Variants in AMIGO3 observed in about 807,000 individuals in gnomAD.
AMIGO3 encodes the protein adhesion molecule with Ig like domain 3, also known as amphoterin-induced protein 3.
A neutral mutation model predicts 4.3 loss-of-function variants in AMIGO3; 6 were observed. That is an observed-to-expected ratio of 1.39 (90% CI 0.76 to 2.75). AMIGO3 has a LOEUF of 2.75. AMIGO3 is among the 30% of genes most tolerant of loss of function. AMIGO3 has a pLI of 0.00. For missense variants in AMIGO3, 771 were observed against 692.1 expected (o/e 1.11, Z -1.28); for synonymous variants, 315 against 320.0 (o/e 0.98, Z 0.17).
chr3:49,719,282 C>T lies in AMIGO3; in HGVS notation c.184G>A (p.Ala62Thr), dbSNP rs376622853. 1.2e-6 allele frequency: 2 copies of T among 1,613,162 alleles called. No homozygotes were observed. The highest frequency in any genetic ancestry group is 1.1e-5 in the South Asian group (1 of 91,068). ...TGGCTCAGGTCGAGGTCCGCAGTAG[C>T]GGCAGGTAACTCGGCTGGCACGTCC... ...LQDVPAELPA[A>T]TADLDLSHNA... The change falls in exon 1 of 1, where the codon GCT (alanine) becomes ACT (threonine). Residue 62 changes from alanine to threonine, a missense_variant. Transcript: ENST00000320431.
chr3:49,717,916 AGGGTGGGGGCCT>A lies in AMIGO3; in HGVS notation c.*23_*34del, dbSNP rs767268722. On this transcript the variant is annotated 3_prime_UTR_variant, in exon 1 of 1. Coordinates refer to ENST00000320431, the MANE Select transcript of AMIGO3 (RefSeq NM_198722.3). Reference sequence around the variant, plus strand: ...AGCAGGGAGCAGGGCGAGCAGCAAGAGGGTGGGGGCCTGGGTGGGGGAGCCCTGGGCAGTCTA... The same window carrying A: ...AGCAGGGAGCAGGGCGAGCAGCAAGAGGGTGGGGGAGCCCTGGGCAGTCTA... The A allele has an allele frequency of 4.5e-6, 7 of 1,548,726 alleles. No homozygotes were observed. The East Asian group carries it at 1.4e-4, about 32-fold the overall frequency.
Position 49,718,274 on chromosome 3 carries a change from C to G in AMIGO3, c.1192G>C (p.Val398Leu). 6.2e-7 allele frequency: 1 copy of G among 1,612,856 alleles called. No individual in the cohort carries two copies. Among genetic ancestry groups the G allele is most frequent in the South Asian group, 1.1e-5 (1 of 91,068 alleles). ...GGTGGGGCGAACAGGTAGAGCAGCA[C>G]GAGCACAAGGCCCACGGCACAGCCC... ...LLGCAVGLVL[V>L]LLYLFAPPCR... The change falls in exon 1 of 1, where the codon GTG becomes CTG. Residue 398 changes from valine (V) to leucine (L), a missense_variant. Coordinates refer to ENST00000320431, the MANE Select transcript of AMIGO3 (RefSeq NM_198722.3).
At position 49,718,398 on chromosome 3, in the gene AMIGO3, CCCAGTGG is replaced by C; in HGVS notation, c.1061_1067del (p.Ala354GlyfsTer14). On this transcript the variant is annotated frameshift_variant, in exon 1 of 1. Transcript: ENST00000320431. LOFTEE classifies it high-confidence loss of function. ...GCGTCTGGTTGTGGTGCAGGCGGGG[CCCAGTGG>C]CCAGGCACACGAAGAGTCCCGCATG... 1 of 1,613,170 alleles carries C rather than the reference CCCAGTGG, an allele frequency of 6.2e-7. No individual in the cohort carries two copies. Among genetic ancestry groups the C allele is most frequent in the Non-Finnish European group, 8.5e-7 (1 of 1,179,940 alleles).
Position 49,719,635 on chromosome 3 carries a change from G to T in AMIGO3, c.-170C>A. Reference sequence around the variant, plus strand: ...CTACTCTCCGGTTCCCAGGTTGTGAGGCGGTGCGGCACTCTTAGCCGCGCT... The same window carrying T: ...CTACTCTCCGGTTCCCAGGTTGTGATGCGGTGCGGCACTCTTAGCCGCGCT... On this transcript the variant is annotated 5_prime_UTR_variant, in exon 1 of 1. Coordinates refer to ENST00000320431, the MANE Select transcript of AMIGO3 (RefSeq NM_198722.3). 1 of 613,060 alleles carries T rather than the reference G, an allele frequency of 1.6e-6. No homozygotes were observed. 38.0% of individuals were successfully genotyped at this position (613,060 alleles called of 1,614,324 possible).
rs1353277525 is a variant in AMIGO3, at chr3:49,718,925, T to C, written c.541A>G (p.Ser181Gly). 4 of 1,613,542 alleles carry C rather than the reference T, an allele frequency of 2.5e-6. No homozygotes were observed. The change falls in exon 1 of 1, where the codon AGC becomes GGC. Residue 181 changes from serine to glycine, a missense_variant. By Grantham distance (56) the Ser-to-Gly change is moderately conservative. Transcript: ENST00000320431. Reference sequence around the variant, plus strand: ...TCCAGAGTAAGCAGGTGGGTGGCGCTCAGACCGTGCAGGTGGTCGAAGGAG... The same window carrying C: ...TCCAGAGTAAGCAGGTGGGTGGCGCCCAGACCGTGCAGGTGGTCGAAGGAG... ...SFSFDHLHGL[S>G]ATHLLTLDLS...
At position 49,718,802 on chromosome 3, in the gene AMIGO3, G is replaced by A. The variant is rs2080313472; in HGVS notation, c.664C>T (p.Pro222Ser). ...NGLYLHNNPL[P>S]CDCRLYHLLQ... is the part of the protein sequence containing the mutation. The stretch of plus-strand genomic sequence containing the variant: ...AGGTGGTAGAGGCGGCAGTCGCAAG[G>A]CAAAGGGTTGTTGTGCAAGTAGAGG... The change falls in exon 1 of 1, where the codon CCT becomes TCT. Residue 222 changes from proline to serine, a missense_variant. Pro to Ser is a moderately conservative substitution (Grantham distance 74). Transcript: ENST00000320431. 1 of 1,613,230 alleles carries A rather than the reference G, an allele frequency of 6.2e-7. No individual in the cohort carries two copies. Among genetic ancestry groups the A allele is most frequent in the Non-Finnish European group, 8.5e-7 (1 of 1,179,954 alleles).
At position 49,719,496 on chromosome 3, in the gene AMIGO3, G is replaced by C; in HGVS notation, c.-31C>G. The C allele has an allele frequency of 2.6e-6, 4 of 1,556,572 alleles. No individual in the cohort carries two copies. The highest frequency in any genetic ancestry group is 3.5e-6 in the Non-Finnish European group (4 of 1,143,638). ...CGACCACCAGGGACAGTACAGAGCA[G>C]CTCTGTGCAGGTTGCAGTTCCAGGA... On this transcript the variant is annotated 5_prime_UTR_variant, in exon 1 of 1. Coordinates refer to ENST00000320431, the MANE Select transcript of AMIGO3 (RefSeq NM_198722.3).
chr3:49,718,230 A>ACGGCGGCAG lies in AMIGO3; in HGVS notation c.1227_1235dup (p.Cys410_Arg412dup). 6.2e-7 allele frequency: 1 copy of ACGGCGGCAG among 1,610,766 alleles called. No individual in the cohort carries two copies. Among genetic ancestry groups the ACGGCGGCAG allele is most frequent in the Non-Finnish European group, 8.5e-7 (1 of 1,179,042 alleles). ...GGGGCCAGCGGCGGCAGCGGCAGGC[A>ACGGCGGCAG]CGGCGGCAGCAGCGGCAGGGTGGGG... On this transcript the variant is annotated inframe_insertion, in exon 1 of 1. Transcript: ENST00000320431.
Position 49,719,607 on chromosome 3 carries a change from C to G in AMIGO3, c.-142G>C. The G allele has an allele frequency of 1.5e-6, 1 of 688,670 alleles. No individual in the cohort carries two copies. Among genetic ancestry groups the G allele is most frequent in the Non-Finnish European group, 2.4e-6 (1 of 409,052 alleles). The allele number at this position is 688,670 out of a possible 1,614,324, so 42.7% of individuals were successfully genotyped here. On this transcript the variant is annotated 5_prime_UTR_variant, in exon 1 of 1. Coordinates refer to ENST00000320431, the MANE Select transcript of AMIGO3 (RefSeq NM_198722.3). The stretch of plus-strand genomic sequence containing the variant: ...ACGGCGGGTTCTTGCCAGCCGACGG[C>G]CCCTACTCTCCGGTTCCCAGGTTGT...
chr3:49,719,245 T>C lies in AMIGO3; in HGVS notation c.221A>G (p.Gln74Arg), dbSNP rs1157946127. ...CGCCAACCAGCCGGGGCGCAGGCGCTGGAGCGCGTTGTGGCTCAGGTCGAG... is the reference window on the plus strand; with the variant it reads ...CGCCAACCAGCCGGGGCGCAGGCGCCGGAGCGCGTTGTGGCTCAGGTCGAG... ...ADLDLSHNAL[Q>R]RLRPGWLAPL... is the part of the protein sequence containing the mutation. The change falls in exon 1 of 1, where the codon CAG becomes CGG. Residue 74 changes from glutamine to arginine, a missense_variant. Physicochemically the swap from Gln to Arg is conservative, Grantham distance 43. Transcript: ENST00000320431. 10 of 1,613,052 alleles carry C rather than the reference T, an allele frequency of 6.2e-6. No homozygotes were observed. The highest frequency in any genetic ancestry group is 1.7e-5 in the Admixed American group (1 of 59,986).
rs780762034 is a variant in AMIGO3 at position 49,718,371 on chromosome 3, G to C, written c.1095C>G (p.His365Gln). ...TGPRLHHNQT[H>Q]EYNVSVHFPR... is the part of the protein sequence containing the mutation. ...GAAAGTGCACGCTCACGTTGTACTC[G>C]TGCGTCTGGTTGTGGTGCAGGCGGG... is the stretch of plus-strand genomic sequence containing the variant. Residue 365 changes from histidine to glutamine, a missense_variant, in exon 1 of 1, where the codon CAC (histidine) becomes CAG (glutamine). Coordinates refer to ENST00000320431, the MANE Select transcript of AMIGO3 (RefSeq NM_198722.3). 3 of 1,613,240 alleles carry C rather than the reference G, an allele frequency of 1.9e-6. No individual in the cohort carries two copies. Among genetic ancestry groups the C allele is most frequent in the Non-Finnish European group, 2.5e-6 (3 of 1,179,956 alleles).
Position 49,716,989 on chromosome 3 carries a change from T to C in AMIGO3, c.*962A>G, listed in dbSNP as rs995047903. 2 of 156,352 alleles carry C rather than the reference T, an allele frequency of 1.3e-5. No individual in the cohort carries two copies. The highest frequency in any genetic ancestry group is 4.8e-5 in the African/African-American group (2 of 41,402). The allele number at this position is 156,352 out of a possible 1,614,324, so 9.7% of individuals were successfully genotyped here. ...CCTGCAGTGGGAGCAGTGAGATGCA[T>C]ATGAAGCCAGGGTACCGCCTCAGCC... is the stretch of plus-strand genomic sequence containing the variant. On this transcript the variant is annotated 3_prime_UTR_variant, in exon 1 of 1. Coordinates refer to ENST00000320431, the MANE Select transcript of AMIGO3 (RefSeq NM_198722.3).
At position 49,718,805 on chromosome 3, in the gene AMIGO3, A is replaced by G. The variant is rs2080313631; in HGVS notation, c.661T>C (p.Leu221=). 1 of 1,613,096 alleles carries G rather than the reference A, an allele frequency of 6.2e-7. No homozygotes were observed. Among genetic ancestry groups the G allele is most frequent in the Admixed American group, 1.7e-5 (1 of 60,006 alleles). The part of the protein sequence containing the change: ...KNGLYLHNNP[L]PCDCRLYHLL... ...TGGTAGAGGCGGCAGTCGCAAGGCA[A>G]AGGGTTGTTGTGCAAGTAGAGGCCG... is the stretch of plus-strand genomic sequence containing the variant. Residue 221 remains leucine (L), a synonymous_variant, in exon 1 of 1, where the codon TTG becomes CTG. Coordinates refer to ENST00000320431, the MANE Select transcript of AMIGO3 (RefSeq NM_198722.3).
In AMIGO3 at chr3:49,717,037, C is replaced by G. The variant is rs2080261099; in HGVS notation, c.*914G>C. 6.5e-6 allele frequency: 1 copy of G among 153,506 alleles called. No individual in the cohort carries two copies. Among genetic ancestry groups the G allele is most frequent in the African/African-American group, 2.4e-5 (1 of 41,416 alleles). 9.5% of individuals were successfully genotyped at this position (153,506 alleles called of 1,614,324 possible). A position where few individuals can be genotyped will look rare whatever the true frequency, so the allele number is the denominator to read the frequency against. On this transcript the variant is annotated 3_prime_UTR_variant, in exon 1 of 1. Coordinates refer to ENST00000320431, the MANE Select transcript of AMIGO3 (RefSeq NM_198722.3). ...GCCATTAGGCTGAGACCAGTGCCAG[C>G]CCTTAAGAGGCTCCTGCTCTCGAGG...
In AMIGO3 at chr3:49,718,118, C is replaced by T; in HGVS notation, c.1348G>A (p.Val450Ile). ...TCCAGAAAGACTACGTGCTTGTGGACGCTGGCCTTGCGGCTGGGTGCGTCT... is the reference window on the plus strand; with the variant it reads ...TCCAGAAAGACTACGTGCTTGTGGATGCTGGCCTTGCGGCTGGGTGCGTCT... The part of the protein sequence containing the change: ...PPDAPSRKAS[V>I]HKHVVFLEPG... Residue 450 changes from valine (V) to isoleucine (I), a missense_variant, in exon 1 of 1, where the codon GTC (valine) becomes ATC (isoleucine). Transcript: ENST00000320431. 6.2e-7 allele frequency: 1 copy of T among 1,613,540 alleles called. No individual in the cohort carries two copies. The highest frequency in any genetic ancestry group is 8.5e-7 in the Non-Finnish European group (1 of 1,180,052).
rs373220334 is a variant in AMIGO3, at chr3:49,719,081, G to C, written c.385C>G (p.Leu129Val). ...NTLRALGRHD[L>V]DGLGALEKLL... ...TTCTCCAGCGCCCCCAGCCCGTCGAGGTCGTGGCGGCCAAGCGCCCGCAAC... is the reference window on the plus strand; with the variant it reads ...TTCTCCAGCGCCCCCAGCCCGTCGACGTCGTGGCGGCCAAGCGCCCGCAAC... Residue 129 changes from leucine to valine, a missense_variant, in exon 1 of 1, where the codon CTC becomes GTC. Physicochemically the swap from Leu to Val is conservative, Grantham distance 32. Coordinates refer to ENST00000320431, the MANE Select transcript of AMIGO3 (RefSeq NM_198722.3). 1.9e-6 allele frequency: 3 copies of C among 1,613,622 alleles called. No homozygotes were observed. The African/African-American group carries it at 4.0e-5, about 22-fold the overall frequency.
Position 49,719,621 on chromosome 3 carries a change from T to G in AMIGO3, c.-156A>C. Reference sequence around the variant, plus strand: ...CCAGCCGACGGCCCCTACTCTCCGGTTCCCAGGTTGTGAGGCGGTGCGGCA... The same window carrying G: ...CCAGCCGACGGCCCCTACTCTCCGGGTCCCAGGTTGTGAGGCGGTGCGGCA... On this transcript the variant is annotated 5_prime_UTR_variant, in exon 1 of 1. Coordinates refer to ENST00000320431, the MANE Select transcript of AMIGO3 (RefSeq NM_198722.3). The G allele has an allele frequency of 1.5e-6, 1 of 646,790 alleles. No homozygotes were observed. The highest frequency in any genetic ancestry group is 2.7e-6 in the Non-Finnish European group (1 of 374,100). 40.1% of individuals were successfully genotyped at this position (646,790 alleles called of 1,614,324 possible). A position where few individuals can be genotyped will look rare whatever the true frequency, so the allele number is the denominator to read the frequency against.
rs2080340161 is a variant in AMIGO3 at position 49,719,516 on chromosome 3, C to G, written c.-51G>C. 10 of 1,436,816 alleles carry G rather than the reference C, an allele frequency of 7.0e-6. No individual in the cohort carries two copies. Among genetic ancestry groups the G allele is most frequent in the Non-Finnish European group, 9.6e-6 (10 of 1,046,620 alleles). 89.0% of individuals were successfully genotyped at this position (1,436,816 alleles called of 1,614,324 possible). A position where few individuals can be genotyped will look rare whatever the true frequency, so the allele number is the denominator to read the frequency against. On this transcript the variant is annotated 5_prime_UTR_variant, in exon 1 of 1. Coordinates refer to ENST00000320431, the MANE Select transcript of AMIGO3 (RefSeq NM_198722.3). ...GAGCAGCTCTGTGCAGGTTGCAGTT[C>G]CAGGACTCACCCTCTTCTGCTCTAG...
At position 49,718,913 on chromosome 3, in the gene AMIGO3, G is replaced by A. The variant is rs190335089; in HGVS notation, c.553C>T (p.Leu185=). 1.6e-5 allele frequency: 26 copies of A among 1,613,776 alleles called. No homozygotes were observed. The East Asian group carries it at 5.6e-4, about 35-fold the overall frequency. Residue 185 remains leucine, a synonymous_variant, in exon 1 of 1, where the codon CTG becomes TTG. Coordinates refer to ENST00000320431, the MANE Select transcript of AMIGO3 (RefSeq NM_198722.3). ...DHLHGLSATH[L]LTLDLSSNRL... ...TTGGAGGAGAGGTCCAGAGTAAGCA[G>A]GTGGGTGGCGCTCAGACCGTGCAGG...
Sources: allele counts gnomAD v4.1 joint callset, GRCh38; gene constraint gnomAD v4.1.1; transcripts MANE v1.5; gene names NCBI Gene and HGNC (gene_info 2026-07-23, HGNC 2026-07-21).